Variants in XKR9 observed in about 807,000 individuals in gnomAD.
The protein encoded by XKR9 is XK related 9, also known as XK-related protein 9.
In XKR9, 32 loss-of-function variants were observed where a neutral mutation model predicts 32.0. The observed-to-expected ratio is 1.00, with a 90% confidence interval of 0.76 to 1.34. The LOEUF (loss-of-function observed/expected upper bound fraction) is 1.34. Ranked by LOEUF, XKR9 falls within the 40% of genes most tolerant of loss-of-function variation. The pLI, the probability that XKR9 is intolerant of heterozygous loss-of-function variation, is 0.00. For synonymous variants in XKR9, 168 were observed against 143.4 expected (o/e 1.17, Z -1.22); for missense variants, 546 against 429.7 (o/e 1.27, Z -2.39).
the XKR9 span, among the ~76,000 whole-genome samples, chr8:70,887,451 A>G: frequency 6.6e-6 from 1 of 151,952 alleles, no homozygotes; most frequent in African/African-American, 2.4e-5. Context: ...TTTTTTTCTA[A>G]TTCCGTGAAG....
chr8:70,696,615 G>A (rs1240651834), intron 3 of XKR9, among the ~76,000 whole-genome samples: 7 of 146,632 alleles, frequency 4.8e-5, no homozygotes, highest in South Asian at 2.2e-4. Flanking sequence ...GTCAGGTAGC[G>A]TGATGCCTCC....
chr8:71,051,305 C>A, the XKR9 span, among the ~76,000 whole-genome samples: 1 of 152,154 alleles, frequency 6.6e-6, no homozygotes, highest in African/African-American at 2.4e-5. Context: ...TTAATCTTTT[C>A]TCAGAGGCCA....
intron 3 of XKR9, among the ~76,000 whole-genome samples, chr8:70,691,721 C>G (rs1330646093): frequency 6.6e-6 from 1 of 151,968 alleles, no homozygotes; most frequent in Non-Finnish European, 1.5e-5. Context: ...ATCAGATAGT[C>G]AAAGATATGT....
At chr8:70,974,168 G>C in the XKR9 span, among the ~76,000 whole-genome samples, 3 of 151,342 alleles carry the variant, frequency 2.0e-5, no homozygotes, top group East Asian at 3.9e-4. Context: ...TATATATTTA[G>C]AATTGTGATA....
the XKR9 span, among the ~76,000 whole-genome samples, chr8:71,004,053 G>A: frequency 5.8e-4 from 87 of 150,466 alleles, no homozygotes; most frequent in Middle Eastern, 3.4e-3. Flanking sequence ...AGGCATAAAT[G>A]AGCATGGCCC....
the XKR9 span, among the ~76,000 whole-genome samples, chr8:70,829,670 G>C: frequency 1.3e-5 from 2 of 152,030 alleles, no homozygotes; most frequent in African/African-American, 4.8e-5. Flanking sequence ...GGATGGTCTC[G>C]ACCTCCTCAC....
the XKR9 span, among the ~76,000 whole-genome samples, chr8:70,871,722 A>G: frequency 2.0e-5 from 3 of 152,188 alleles, no homozygotes; most frequent in African/African-American, 7.2e-5. Flanking sequence ...TAACCATACA[A>G]TGGCCTATAA....
chr8:70,962,572 T>C, the XKR9 span, among the ~76,000 whole-genome samples: 1 of 152,192 alleles, frequency 6.6e-6, no homozygotes, highest in Non-Finnish European at 1.5e-5. Flanking sequence ...CATTCCACGG[T>C]GTATACTTAC....
At chr8:70,784,581 AT>A (rs1168051503) in intron 2 of XKR9, among the ~76,000 whole-genome samples, 348 of 146,106 alleles carry the variant, frequency 2.4e-3, no homozygotes, top group African/African-American at 4.2e-3. Context: ...GTTCTGGCAG[AT>A]TTTTTTTTTT....
the XKR9 span, among the ~76,000 whole-genome samples, chr8:70,977,208 T>A: frequency 6.6e-6 from 1 of 152,190 alleles, no homozygotes; most frequent in Non-Finnish European, 1.5e-5. Context: ...ATTCATTGAT[T>A]TTTTGAAGGG....
At chr8:70,738,160 C>G (rs1382749796), downstream of XKR9, among the ~76,000 whole-genome samples, 2 of 133,822 alleles carry the variant, frequency 1.5e-5, no homozygotes, top group African/African-American at 5.2e-5. Flanking sequence ...TGTTATTGGT[C>G]TATTCAGAGA....
chr8:70,796,962 A>T, the XKR9 span, among the ~76,000 whole-genome samples: 1 of 152,146 alleles, frequency 6.6e-6, no homozygotes, highest in Non-Finnish European at 1.5e-5. Context: ...TGAACAAAAA[A>T]AATTACCCTT....
At chr8:70,685,517 A>C (rs1160587156) in intron 3 of XKR9, among the ~76,000 whole-genome samples, 1 of 144,540 alleles carries the variant, frequency 6.9e-6, no homozygotes, top group African/African-American at 2.5e-5. Context: ...TAATAAAGAA[A>C]ATGTGGCACA....
chr8:70,805,522 A>T, the XKR9 span, among the ~76,000 whole-genome samples: 2 of 152,100 alleles, frequency 1.3e-5, no homozygotes, highest in Non-Finnish European at 2.9e-5. Context: ...TGGGTGGGGG[A>T]AGGGCGGCAT....
the XKR9 span, among the ~76,000 whole-genome samples, chr8:70,806,859 G>C: frequency 1.1e-3 from 162 of 152,218 alleles, no homozygotes; most frequent in African/African-American, 3.8e-3. Context: ...TATTATCCAG[G>C]AGAATTTCCC....
chr8:70,673,120 C>A (rs1818771608), intron 1 of XKR9, among the ~76,000 whole-genome samples: 1 of 152,164 alleles, frequency 6.6e-6, no homozygotes, highest in Admixed American at 6.6e-5. Flanking sequence ...GAGGTCTTAG[C>A]TACAAAATCT....
the XKR9 span, among the ~76,000 whole-genome samples, chr8:70,967,728 C>A: frequency 2.0e-5 from 3 of 151,728 alleles, no homozygotes; most frequent in South Asian, 2.1e-4. Flanking sequence ...TTCTGGGTTG[C>A]AATTTTTTTT....
At chr8:70,770,162 T>C (rs1382362467) in intron 2 of XKR9, among the ~76,000 whole-genome samples, 1 of 152,184 alleles carries the variant, frequency 6.6e-6, no homozygotes, top group African/African-American at 2.4e-5. Flanking sequence ...ATGTTATTGC[T>C]TTCTGTTTGC....
chr8:71,027,838 G>A, the XKR9 span, among the ~76,000 whole-genome samples: 2 of 150,544 alleles, frequency 1.3e-5, no homozygotes, highest in South Asian at 2.1e-4. Context: ...GATCAATCAT[G>A]GCTCACTGCA....
Sources: allele counts gnomAD v4.1 joint callset (sites outside exome capture counted in the v4.1 genomes callset), GRCh38; gene constraint gnomAD v4.1.1; transcripts MANE v1.5; gene names NCBI Gene and HGNC (gene_info 2026-07-23, HGNC 2026-07-21).